The following CYLD variants were observed in gnomAD, a reference collection of about 807,000 sequenced individuals.
CYLD encodes the protein ubiquitin carboxyl-terminal hydrolase CYLD.
CYLD carries 26 observed loss-of-function variants against 104.5 expected under a neutral mutation model. The observed-to-expected ratio is 0.25, with a 90% CI of 0.18 to 0.35. The LOEUF (loss-of-function observed/expected upper bound fraction) is 0.35. Among genes scored for constraint, CYLD ranks in the 10% least tolerant of loss-of-function variants. CYLD has a pLI of 1.00. For synonymous variants in CYLD, 385 were observed against 399.9 expected (o/e 0.96, Z 0.45); for missense variants, 703 against 1,136.1 (o/e 0.62, Z 5.48).
chr16:50,783,608 G>T (rs1425571028), intron 11 of CYLD, among the ~76,000 whole-genome samples: 4 of 151,896 alleles, frequency 2.6e-5, no homozygotes, highest in African/African-American at 4.8e-5. Context: ...ACGTGATCTC[G>T]GCTCACTGGA....
intron 2 of CYLD, among the ~76,000 whole-genome samples, chr16:50,745,610 C>T (rs1015905518): frequency 2.0e-5 from 3 of 151,786 alleles, no homozygotes; most frequent in Admixed American, 1.3e-4. Flanking sequence ...GGCAGGAGTG[C>T]GGTAGTGCTA....
At chr16:50,756,784 T>C (rs1186128270) in intron 5 of CYLD, among the ~76,000 whole-genome samples, 2 of 152,238 alleles carry the variant, frequency 1.3e-5, no homozygotes, top group Non-Finnish European at 2.9e-5. Context: ...AAACTTATAA[T>C]GTAAGTCTTA....
chr16:50,793,498 A>G, intron 16 of CYLD, 48 bp from the exon 17 acceptor site: 3 of 1,259,754 alleles, frequency 2.4e-6, no homozygotes, highest in Non-Finnish European at 3.5e-6. Flanking sequence ...GAAAGAATGC[A>G]TTTTTTTTAA....
At chr16:50,778,160 T>G (rs1597047174) in intron 8 of CYLD, 1 of 470,180 alleles carries the variant, frequency 2.1e-6, no homozygotes, top group East Asian at 3.7e-5. Context: ...TTCTTTTCCT[T>G]TAACTGCTGA....
chr16:50,794,591 C>T lies in CYLD; in HGVS notation c.2686+163C>T. The T allele has an allele frequency of 1.4e-6, 1 of 728,570 alleles. No homozygotes were observed. Among genetic ancestry groups the T allele is most frequent in the Non-Finnish European group, 2.4e-6 (1 of 412,316 alleles). The allele number at this position is 728,570 out of a possible 1,614,324, so 45.1% of individuals were successfully genotyped here. A position where few individuals can be genotyped will look rare whatever the true frequency, so the allele number is the denominator to read the frequency against. ...ATCTTGGATTGCATTAACAACCTTG[C>T]TAGCTGAACTAAGGAATAATATGCT... On this transcript the variant is annotated intron_variant, in intron 18 of 18. Transcript: ENST00000427738. This position sits in a 1 kb window ranked among gnomAD's most constrained non-coding sequence, Gnocchi z 4.1.
chr16:50,755,145 ATG>A (rs140764159), intron 5 of CYLD, among the ~76,000 whole-genome samples: 9 of 34,920 alleles, frequency 2.6e-4, no homozygotes, highest in Admixed American at 6.7e-4. Context: ...ACGTGTACAT[ATG>A]TGTGTATATA....
chr16:50,770,637 G>A (rs889593157), intron 5 of CYLD, among the ~76,000 whole-genome samples: 1 of 151,844 alleles, frequency 6.6e-6, no homozygotes, highest in African/African-American at 2.4e-5. Flanking sequence ...TCTTAGTAGA[G>A]AGAGGGTTTC....
Position 50,794,483 on chromosome 16 carries a change from A to G in CYLD, c.2686+55A>G, listed in dbSNP as rs1971776446. Reference sequence around the variant, plus strand: ...GCACAGGGTTCTGGTTTGTAGTGGGACAGTTTGTAGTGGGATCGCCTGTTC... The same window carrying G: ...GCACAGGGTTCTGGTTTGTAGTGGGGCAGTTTGTAGTGGGATCGCCTGTTC... On this transcript the variant is annotated intron_variant, in intron 18 of 18. Transcript: ENST00000427738. This position sits in a 1 kb window ranked among gnomAD's most constrained non-coding sequence, Gnocchi z 4.1. 4 of 1,533,372 alleles carry G rather than the reference A, an allele frequency of 2.6e-6. No individual in the cohort carries two copies. The Admixed American group carries it at 6.7e-5, about 26-fold the overall frequency. 95.0% of individuals were successfully genotyped at this position (1,533,372 alleles called of 1,614,324 possible). A position where few individuals can be genotyped will look rare whatever the true frequency, so the allele number is the denominator to read the frequency against.
At chr16:50,761,306 G>A (rs1212344293) in intron 5 of CYLD, among the ~76,000 whole-genome samples, 1 of 152,120 alleles carries the variant, frequency 6.6e-6, no homozygotes, top group African/African-American at 2.4e-5. Flanking sequence ...ATACCTAACA[G>A]GATGTACCAT....
chr16:50,777,475 T>C (rs1055365543), intron 7 of CYLD, among the ~76,000 whole-genome samples: 4 of 152,194 alleles, frequency 2.6e-5, no homozygotes, highest in African/African-American at 9.6e-5. Context: ...AATGGGTCTA[T>C]GAAATGAAGC....
At chr16:50,751,470 A>G in intron 3 of CYLD, 134 bp from the exon 4 acceptor site, 1 of 641,950 alleles carries the variant, frequency 1.6e-6, no homozygotes, top group East Asian at 2.8e-5. Flanking sequence ...GAAACTGCTA[A>G]TAATTGTATT....
intron 14 of CYLD, among the ~76,000 whole-genome samples, chr16:50,790,584 T>C (rs1413937854): frequency 6.6e-6 from 1 of 152,174 alleles, no homozygotes; most frequent in African/African-American, 2.4e-5. Flanking sequence ...TTGATTATCA[T>C]CTGTTTGTAT....
chr16:50,790,447 C>A (rs1971316522), intron 14 of CYLD, among the ~76,000 whole-genome samples: 2 of 152,026 alleles, frequency 1.3e-5, no homozygotes, highest in African/African-American at 4.8e-5. Context: ...ATTTTCCTCT[C>A]TTATTTTTTT....
In CYLD at chr16:50,797,102, T is replaced by C. The variant is rs1972115284; in HGVS notation, c.*594T>C. The C allele has an allele frequency of 4.3e-6, 1 of 234,666 alleles. No individual in the cohort carries two copies. The highest frequency in any genetic ancestry group is 6.0e-5 in the East Asian group (1 of 16,592). 14.5% of individuals were successfully genotyped at this position (234,666 alleles called of 1,614,324 possible). A position where few individuals can be genotyped will look rare whatever the true frequency, so the allele number is the denominator to read the frequency against. On this transcript the variant is annotated 3_prime_UTR_variant, in exon 19 of 19. Transcript: ENST00000427738. ...CAGAAAAATACTTAAATTCCCTTAA[T>C]GGTGTTGTTTTCTATTTGTTCTGGT...
intron 5 of CYLD, among the ~76,000 whole-genome samples, chr16:50,762,021 A>T (rs910380789): frequency 2.0e-5 from 3 of 152,156 alleles, no homozygotes; most frequent in East Asian, 1.9e-4. Flanking sequence ...AATGATTTTT[A>T]AAAAATTGTA....
intron 1 of CYLD, 85 bp downstream of exon 1, chr16:50,742,209 C>T (rs1276580588): frequency 2.0e-5 from 3 of 151,778 alleles, no homozygotes; most frequent in Non-Finnish European, 4.4e-5. Context: ...GACGCCCCGC[C>T]GCCCGAGGTT....
intron 5 of CYLD, among the ~76,000 whole-genome samples, chr16:50,768,564 G>A (rs775004709): frequency 4.6e-5 from 7 of 152,192 alleles, no homozygotes; most frequent in Non-Finnish European, 7.4e-5. Context: ...ATTGAAAGAT[G>A]CAGGAATCTT....
At chr16:50,780,730 G>A (rs2150994237) in intron 9 of CYLD, among the ~76,000 whole-genome samples, 1 of 152,244 alleles carries the variant, frequency 6.6e-6, no homozygotes, top group Admixed American at 6.5e-5. Flanking sequence ...TGTTGCCCAG[G>A]CTGGTCTCAA....
At chr16:50,751,107 G>A (rs1311196780) in intron 3 of CYLD, among the ~76,000 whole-genome samples, 1 of 152,126 alleles carries the variant, frequency 6.6e-6, no homozygotes, top group Non-Finnish European at 1.5e-5. Context: ...TTGAATCCCA[G>A]TTAAGCCATT....
Sources: allele counts gnomAD v4.1 joint callset (sites outside exome capture counted in the v4.1 genomes callset), GRCh38; gene constraint gnomAD v4.1.1; non-coding constraint Gnocchi (gnomAD v3.1); transcripts MANE v1.5; gene names NCBI Gene and HGNC (gene_info 2026-07-23, HGNC 2026-07-21).